The following ZNF516 variants were observed in gnomAD, a reference collection of about 807,000 sequenced individuals.
The protein encoded by ZNF516 is zinc finger protein 516.
A neutral mutation model predicts 79.7 loss-of-function variants in ZNF516; 19 were observed. That is an observed-to-expected ratio of 0.24 (90% confidence interval 0.17 to 0.35). ZNF516 has a LOEUF of 0.35. ZNF516 is among the 10% of genes least tolerant of loss of function. The probability of loss-of-function intolerance (pLI) is 1.00; values close to 1 mark genes in which losing one functional copy is unlikely to be tolerated. For missense variants in ZNF516, 1,678 were observed against 1,679.5 expected (o/e 1.00, Z 0.02); for synonymous variants, 877 against 739.5 (o/e 1.19, Z -3.02).
In ZNF516 at chr18:76,379,612, C is replaced by A. The variant is rs1435127401; in HGVS notation, c.2502G>T (p.Arg834=). 2 of 1,613,654 alleles carry A rather than the reference C, an allele frequency of 1.2e-6. No homozygotes were observed. The highest frequency in any genetic ancestry group is 1.7e-6 in the Non-Finnish European group (2 of 1,179,898). The change falls in exon 4 of 7, where the codon CGG becomes CGT. Residue 834 remains arginine, a synonymous_variant. Coordinates refer to ENST00000443185, the MANE Select transcript of ZNF516 (RefSeq NM_014643.4). ...CCCCTGGCACCTGAGTGCGGGTGAA[C>A]CGAGCAAGGAGCAAAGGCTGGCATT... ...GKECQPLLLA[R]FTRTQVPGGM...
intron 1 of ZNF516, among the ~76,000 whole-genome samples, chr18:76,465,602 T>C (rs1167624388): frequency 6.6e-6 from 1 of 151,972 alleles, no homozygotes; most frequent in Non-Finnish European, 1.5e-5. Flanking sequence ...AAAATACGAG[T>C]AAATGTTTAC....
intron 3 of ZNF516, among the ~76,000 whole-genome samples, chr18:76,440,515 GA>G (rs2075800180): frequency 6.6e-6 from 1 of 152,130 alleles, no homozygotes; most frequent in African/African-American, 2.4e-5. Context: ...AATAATAAAA[GA>G]AATATCAAAA....
chr18:76,458,065 G>A (rs751110474), intron 2 of ZNF516, among the ~76,000 whole-genome samples: 3 of 152,142 alleles, frequency 2.0e-5, no homozygotes, highest in Non-Finnish European at 2.9e-5. Context: ...TTTTAAATAC[G>A]CAGAGGGCCA....
intron 1 of ZNF516, among the ~76,000 whole-genome samples, chr18:76,473,904 G>GTGTGT (rs1555718878): frequency 0.19 from 12,133 of 62,958 alleles, 1,734 homozygotes; most frequent in South Asian, 0.4. Flanking sequence ...GTTTTTGTGT[G>GTGTGT]GGGGGGGGGG....
At chr18:76,475,812 A>T (rs1914141306) in intron 1 of ZNF516, among the ~76,000 whole-genome samples, 1 of 152,234 alleles carries the variant, frequency 6.6e-6, no homozygotes, top group African/African-American at 2.4e-5. Context: ...TTAAAAAAAA[A>T]TTAGTTGCAG....
At chr18:76,483,953 G>A (rs996258015) in intron 1 of ZNF516, among the ~76,000 whole-genome samples, 5 of 152,198 alleles carry the variant, frequency 3.3e-5, no homozygotes, top group Non-Finnish European at 5.9e-5. Flanking sequence ...CCCGTGGAAA[G>A]ACGCAAACAT....
intron 2 of ZNF516, among the ~76,000 whole-genome samples, chr18:76,449,285 G>A (rs140811529): frequency 1.2e-4 from 19 of 152,268 alleles, no homozygotes; most frequent in East Asian, 1.2e-3. Flanking sequence ...CCTGGACCCC[G>A]GTGTCTAGAG....
intron 3 of ZNF516, among the ~76,000 whole-genome samples, chr18:76,404,133 G>T (rs1170119938): frequency 1.3e-5 from 2 of 152,252 alleles, no homozygotes; most frequent in African/African-American, 2.4e-5. Context: ...AGTGACAAAT[G>T]TTGCTGAAAA....
chr18:76,413,407 A>G (rs1364516663), intron 3 of ZNF516, among the ~76,000 whole-genome samples: 2 of 152,084 alleles, frequency 1.3e-5, no homozygotes, highest in African/African-American at 4.8e-5. Flanking sequence ...GCAGCACCAC[A>G]CCCAACAGAC....
intron 3 of ZNF516, among the ~76,000 whole-genome samples, chr18:76,391,823 G>T (rs2075077861): frequency 1.3e-5 from 2 of 152,248 alleles, no homozygotes; most frequent in African/African-American, 4.8e-5. Flanking sequence ...GTGTGCTTTG[G>T]GGATAAGGCT....
At chr18:76,413,885 A>G (rs1384459239) in intron 3 of ZNF516, among the ~76,000 whole-genome samples, 1 of 152,254 alleles carries the variant, frequency 6.6e-6, no homozygotes, top group Non-Finnish European at 1.5e-5. Flanking sequence ...ACTAGTGAAC[A>G]TCTGCTTATT....
intron 4 of ZNF516, among the ~76,000 whole-genome samples, chr18:76,377,232 C>T (rs949022633): frequency 6.6e-6 from 1 of 152,256 alleles, no homozygotes; most frequent in Non-Finnish European, 1.5e-5. Context: ...TCTAAGACCA[C>T]GCCTCAGGGA....
At chr18:76,481,400 G>A (rs1914514500) in intron 1 of ZNF516, among the ~76,000 whole-genome samples, 1 of 152,224 alleles carries the variant, frequency 6.6e-6, no homozygotes, top group African/African-American at 2.4e-5. Flanking sequence ...CTAGAAAGAG[G>A]AAGGGTGGAG....
At chr18:76,489,707 G>C (rs1915048602) in intron 1 of ZNF516, among the ~76,000 whole-genome samples, 1 of 152,018 alleles carries the variant, frequency 6.6e-6, no homozygotes, top group Non-Finnish European at 1.5e-5. Flanking sequence ...ACATTGGTGA[G>C]GTAAACTATT....
Position 76,415,966 on chromosome 18 carries a change from T to C in ZNF516, c.1810+25279A>G, listed in dbSNP as rs116677816. On this transcript the variant is annotated intron_variant, in intron 3 of 6. Coordinates refer to ENST00000443185, the MANE Select transcript of ZNF516 (RefSeq NM_014643.4). ...TCAGTTTGCAAATGAGTCAATATAC[T>C]GTTAGCAACTGTTTTCAATAGCTGG... Among the ~76,000 whole-genome samples the C allele has an allele frequency of 7.5e-3, 1,145 of 152,350 alleles. 14 individuals are homozygous for C. Among genetic ancestry groups the C allele is most frequent in the African/African-American group, 0.025 (1,047 of 41,574 alleles).
intron 4 of ZNF516, among the ~76,000 whole-genome samples, chr18:76,374,612 A>G (rs1468126788): frequency 6.6e-6 from 1 of 152,216 alleles, no homozygotes; most frequent in Non-Finnish European, 1.5e-5. Flanking sequence ...CTCTGTATAA[A>G]TGGAACATGT....
chr18:76,495,786 G>C, upstream of ZNF516: 2 of 1,120,662 alleles, frequency 1.8e-6, no homozygotes, highest in South Asian at 3.5e-5. Context: ...GGGGGTCCCA[G>C]GTGCGTGTGC....
At chr18:76,417,532 T>C (rs2075447744) in intron 3 of ZNF516, among the ~76,000 whole-genome samples, 1 of 152,256 alleles carries the variant, frequency 6.6e-6, no homozygotes, top group South Asian at 2.1e-4. Context: ...CACGGATTTT[T>C]ACCTTAATGT....
At chr18:76,384,774 G>A (rs957666961) in intron 3 of ZNF516, among the ~76,000 whole-genome samples, 1 of 152,016 alleles carries the variant, frequency 6.6e-6, no homozygotes, top group Non-Finnish European at 1.5e-5. Context: ...GAGAAAGTCT[G>A]CAAGAAAAAG....
Sources: allele counts gnomAD v4.1 joint callset (sites outside exome capture counted in the v4.1 genomes callset), GRCh38; gene constraint gnomAD v4.1.1; transcripts MANE v1.5; gene names NCBI Gene and HGNC (gene_info 2026-07-23, HGNC 2026-07-21).